Variants in CRB1 observed in about 807,000 individuals in gnomAD.
CRB1 encodes the protein crumbs cell polarity complex component 1, also known as protein crumbs homolog 1.
Under a neutral mutation model 120.0 loss-of-function variants are expected in CRB1, and 83 were observed. That is an observed-to-expected ratio of 0.69 (90% confidence interval 0.58 to 0.83). CRB1 has a LOEUF of 0.83. Ranked by LOEUF, CRB1 falls within the 40% of genes least tolerant of loss-of-function variation. The pLI is 0.00. For synonymous variants in CRB1, 625 were observed against 612.5 expected, an observed-to-expected ratio of 1.02 and a Z score of -0.30; for missense variants, 1,699 against 1,687.6, an observed-to-expected ratio of 1.01 and a Z score of -0.12.
rs141936333 is a variant in CRB1 at position 197,293,597 on chromosome 1, G to A, written c.70+25115G>A. ...CATATGGAACCAGAAAAGAGCCCGC[G>A]TCGCCAAGTCAATCCTAAGCCAAAA... On this transcript the variant is annotated intron_variant, in intron 1 of 11. Transcript: ENST00000367400. Among the ~76,000 whole-genome samples, 686 of 151,824 alleles carry A rather than the reference G, an allele frequency of 4.5e-3. 3 individuals carry two copies. Among genetic ancestry groups the A allele is most frequent in the East Asian group, 0.022 (115 of 5,138 alleles).
At chr1:197,241,701 GT>G in the CRB1 span, among the ~76,000 whole-genome samples, 4,641 of 138,816 alleles carry the variant, frequency 0.033, 77 homozygotes, top group Non-Finnish European at 0.042. Context: ...TTTTAAAGTA[GT>G]TTTTTTTTTT....
chr1:197,369,181 A>C (rs1661236630), intron 5 of CRB1, among the ~76,000 whole-genome samples: 1 of 152,090 alleles, frequency 6.6e-6, no homozygotes, highest in East Asian at 1.9e-4. Flanking sequence ...AAGATCCCAA[A>C]ATGTTTTTTA....
At chr1:197,281,291 T>A (rs1437579692) in intron 1 of CRB1, among the ~76,000 whole-genome samples, 5 of 151,818 alleles carry the variant, frequency 3.3e-5, no homozygotes, top group African/African-American at 1.2e-4. Flanking sequence ...TTAAAGGCTT[T>A]AAATGCTATA....
the CRB1 span, chr1:197,222,226 T>G: frequency 4.0e-6 from 2 of 493,994 alleles, no homozygotes; most frequent in Non-Finnish European, 7.7e-6. Context: ...GGCACCATGA[T>G]TGTGTTTGCC....
chr1:197,422,634 CCA>C, intron 6 of CRB1, among the ~76,000 whole-genome samples: 1 of 152,012 alleles, frequency 6.6e-6, no homozygotes, highest in South Asian at 2.1e-4. Flanking sequence ...CTCTAGTAAA[CCA>C]CAGTTTGCAA....
rs977167790 is a variant in CRB1, at chr1:197,270,931, T to C, written c.70+2449T>C. Among the ~76,000 whole-genome samples, 8 of 152,210 alleles carry C rather than the reference T, an allele frequency of 5.3e-5. No individual in the cohort carries two copies. In the East Asian group the frequency reaches 1.3e-3, roughly 26 times the overall value. ...AGAAATGTCCATTATCCAGGTATGG[T>C]GGCTCAAGCCTGTAGTCCCAGCACT... On this transcript the variant is annotated intron_variant, in intron 1 of 11. Transcript: ENST00000367400.
rs376282634 is a variant in CRB1, at chr1:197,318,837, G to C, written c.71-9585G>C. On this transcript the variant is annotated intron_variant, in intron 1 of 11. Coordinates refer to ENST00000367400, the MANE Select transcript of CRB1 (RefSeq NM_201253.3). ...ACAGTAGTTGCCACAAGATAGGGAGGTTAGGGAACAAGTGGGGATAGGAGA... is the reference window on the plus strand; with the variant it reads ...ACAGTAGTTGCCACAAGATAGGGAGCTTAGGGAACAAGTGGGGATAGGAGA... 2.0e-5 allele frequency among the ~76,000 whole-genome samples: 3 copies of C among 152,102 alleles called. No individual in the cohort carries two copies. The South Asian group carries it at 6.2e-4, about 32-fold the overall frequency.
intron 4 of CRB1, among the ~76,000 whole-genome samples, chr1:197,349,671 T>G (rs1411524837): frequency 1.3e-5 from 2 of 152,194 alleles, no homozygotes; most frequent in Non-Finnish European, 2.9e-5. Context: ...TAAATACATT[T>G]TATAGGAAAA....
chr1:197,425,093 C>T (rs1435476546), intron 6 of CRB1, among the ~76,000 whole-genome samples: 1 of 152,214 alleles, frequency 6.6e-6, no homozygotes, highest in Admixed American at 6.5e-5. Flanking sequence ...GACCAGCAGG[C>T]ACCCCGCTAC....
chr1:197,390,054 A>G (rs1363018810), intron 5 of CRB1, among the ~76,000 whole-genome samples: 1 of 151,884 alleles, frequency 6.6e-6, no homozygotes, highest in African/African-American at 2.4e-5. Flanking sequence ...GAGGAGTGGC[A>G]GGTGGGACTG....
chr1:197,402,544 G>A (rs893434380), intron 5 of CRB1, among the ~76,000 whole-genome samples: 2 of 152,036 alleles, frequency 1.3e-5, no homozygotes, highest in Admixed American at 6.6e-5. Flanking sequence ...GCTGTCTCCT[G>A]TCTTATTCAA....
Position 197,405,421 on chromosome 1 carries a change from C to T in CRB1, c.1172-15579C>T, listed in dbSNP as rs1009617425. 2.1e-3 allele frequency among the ~76,000 whole-genome samples: 320 copies of T among 151,320 alleles called. 1 individual carries two copies. The highest frequency in any genetic ancestry group is 1.7e-3 in the Non-Finnish European group (118 of 67,670). On this transcript the variant is annotated intron_variant, in intron 5 of 11. Coordinates refer to ENST00000367400, the MANE Select transcript of CRB1 (RefSeq NM_201253.3). ...GGAGTGCAGTGGTGTGATCTCGGCT[C>T]GCTACAACCTCCACCTCCCAGCCGC... is the stretch of plus-strand genomic sequence containing the variant.
At chr1:197,250,522 A>G in the CRB1 span, among the ~76,000 whole-genome samples, 43 of 151,672 alleles carry the variant, frequency 2.8e-4, 1 homozygote, top group East Asian at 6.2e-3. Flanking sequence ...TGAGATTTAC[A>G]TTACATTACA....
chr1:197,301,832 T>C (rs1656879924), intron 1 of CRB1, among the ~76,000 whole-genome samples: 1 of 152,004 alleles, frequency 6.6e-6, no homozygotes, highest in African/African-American at 2.4e-5. Context: ...AAGATGTGAC[T>C]GAATAGCTGC....
chr1:197,379,507 A>G (rs551023025), intron 5 of CRB1, among the ~76,000 whole-genome samples: 3 of 149,318 alleles, frequency 2.0e-5, no homozygotes, highest in Non-Finnish European at 3.0e-5. Context: ...TCACCGTGTT[A>G]GCCAGGATGG....
chr1:197,336,251 A>G (rs1376273785), intron 2 of CRB1, among the ~76,000 whole-genome samples: 1 of 152,214 alleles, frequency 6.6e-6, no homozygotes, highest in African/African-American at 2.4e-5. Flanking sequence ...TCAAAGACAT[A>G]ATTCGAATTT....
At chr1:197,236,484 C>A in the CRB1 span, among the ~76,000 whole-genome samples, 1 of 152,150 alleles carries the variant, frequency 6.6e-6, no homozygotes, top group African/African-American at 2.4e-5. Context: ...TGGATGTGAG[C>A]CACTGCGCTC....
At chr1:197,427,419 T>C in intron 6 of CRB1, 35 bp from the exon 7 acceptor site, 7 of 1,604,800 alleles carry the variant, frequency 4.4e-6, no homozygotes, top group Non-Finnish European at 6.0e-6. Context: ...GATGTTTCTT[T>C]TTTTTTCTCC....
At position 197,343,993 on chromosome 1, in the gene CRB1, A is replaced by C. The variant is rs568682092; in HGVS notation, c.653-288A>C. On this transcript the variant is annotated intron_variant, in intron 2 of 11. Transcript: ENST00000367400. ...GACCAGCCACTTTTAGGCTTCCAAC[A>C]AAAGTGCAGTTAACAATAAACTTTG... Among the ~76,000 whole-genome samples, 3 of 152,358 alleles carry C rather than the reference A, an allele frequency of 2.0e-5. No homozygotes were observed. In the East Asian group the frequency reaches 5.8e-4, roughly 29 times the overall value.
Sources: allele counts gnomAD v4.1 joint callset (sites outside exome capture counted in the v4.1 genomes callset), GRCh38; gene constraint gnomAD v4.1.1; transcripts MANE v1.5; gene names NCBI Gene and HGNC (gene_info 2026-07-23, HGNC 2026-07-21).